The following FOXJ2 variants were observed in gnomAD, a reference collection of about 807,000 sequenced individuals.
The protein encoded by FOXJ2 is forkhead box protein J2.
A neutral mutation model predicts 68.4 loss-of-function variants in FOXJ2; 18 were observed. The observed-to-expected ratio is 0.26, with a 90% CI of 0.18 to 0.39. FOXJ2 has a LOEUF of 0.39. FOXJ2 is among the 10% of genes least tolerant of loss of function. The pLI is 1.00. For synonymous variants in FOXJ2, 274 were observed against 263.2 expected, an observed-to-expected ratio of 1.04 and a Z score of -0.40; for missense variants, 670 against 726.5, an observed-to-expected ratio of 0.92 and a Z score of 0.89.
At chr12:8,052,696 C>T (rs764094035) in intron 10 of FOXJ2, 66 bp from the exon 11 acceptor site, 4 of 1,361,496 alleles carry the variant, frequency 2.9e-6, no homozygotes, top group Non-Finnish European at 4.1e-6. Context: ...TGAGCACTGT[C>T]CTTGTAAATT....
chr12:8,051,057 C>T (rs1412740728), intron 10 of FOXJ2, among the ~76,000 whole-genome samples: 1 of 135,394 alleles, frequency 7.4e-6, no homozygotes, highest in Non-Finnish European at 1.6e-5. Flanking sequence ...CTTCCCTTGC[C>T]CTTCCTTTCC....
chr12:8,045,980 A>G (rs561457001), intron 6 of FOXJ2, among the ~76,000 whole-genome samples: 27 of 152,340 alleles, frequency 1.8e-4, no homozygotes, highest in Non-Finnish European at 3.8e-4. Context: ...TTTTTAACAC[A>G]AAGAGAGGTA....
Position 8,049,526 on chromosome 12 carries a change from T to C in FOXJ2, c.1492T>C (p.Ser498Pro), listed in dbSNP as rs1351483467. Residue 498 changes from serine (S) to proline (P), a missense_variant, in exon 9 of 11, where the codon TCC becomes CCC. Coordinates refer to ENST00000162391, the MANE Select transcript of FOXJ2 (RefSeq NM_018416.3). Reference protein sequence around the residue: ...RPPAPARIADSCALTSGKQES... With the variant: ...RPPAPARIADPCALTSGKQES... ...ACCAGCCCCTGCCCGTATTGCTGAC[T>C]CCTGTGCCCTCACCAGTGGCAAACA... 6.2e-7 allele frequency: 1 copy of C among 1,612,900 alleles called. No homozygotes were observed. Among genetic ancestry groups the C allele is most frequent in the Non-Finnish European group, 8.5e-7 (1 of 1,179,228 alleles).
At chr12:8,044,515 C>T (rs1947007956) in intron 5 of FOXJ2, among the ~76,000 whole-genome samples, 1 of 151,718 alleles carries the variant, frequency 6.6e-6, no homozygotes, top group Non-Finnish European at 1.5e-5. Context: ...GGAGCCTGGG[C>T]GACAGAGCGA....
At position 8,049,677 on chromosome 12, in the gene FOXJ2, C is replaced by T. The variant is rs58488410; in HGVS notation, c.1537+106C>T. The T allele has an allele frequency of 0.011, 11,084 of 1,014,966 alleles. 822 individuals are homozygous for T. In the African/African-American group the frequency reaches 0.16, roughly 15 times the overall value. 62.9% of individuals were successfully genotyped at this position (1,014,966 alleles called of 1,614,324 possible). ...AGAAAGGATTTTATGGGGCAGTGAC[C>T]CAAATTGAGCAGTGGAACTAGTTTA... On this transcript the variant is annotated intron_variant, in intron 9 of 10. Coordinates refer to ENST00000162391, the MANE Select transcript of FOXJ2 (RefSeq NM_018416.3).
Position 8,054,318 on chromosome 12 carries a change from A to G in FOXJ2, c.*1468A>G, listed in dbSNP as rs1055923346. On this transcript the variant is annotated 3_prime_UTR_variant, in exon 11 of 11. Transcript: ENST00000162391. ...TATTTAATGTTGATTGTTGAATTTT[A>G]GTTACGAGAGGGAAGAACAATTTTA... 2 of 152,238 alleles carry G rather than the reference A, an allele frequency of 1.3e-5. No individual in the cohort carries two copies. The highest frequency in any genetic ancestry group is 2.4e-5 in the African/African-American group (1 of 41,466). The allele number at this position is 152,238 out of a possible 1,614,324, so 9.4% of individuals were successfully genotyped here.
Position 8,042,731 on chromosome 12 carries a change from A to C in FOXJ2, c.407A>C (p.Lys136Thr). The change falls in exon 3 of 11, where the codon AAG (lysine) becomes ACG (threonine). Residue 136 changes from lysine (K) to threonine (T), a missense_variant and splice_region_variant. Transcript: ENST00000162391. Reference protein sequence around the residue: ...KVPRPRDDPGKGSYWTIDTCP... With the variant: ...KVPRPRDDPGTGSYWTIDTCP... ...CCCAGACCTCGGGATGACCCTGGGAAGGTAAGATACTACTGTAAGCATTGA... is the reference window on the plus strand; with the variant it reads ...CCCAGACCTCGGGATGACCCTGGGACGGTAAGATACTACTGTAAGCATTGA... 6.2e-7 allele frequency: 1 copy of C among 1,612,756 alleles called. No individual in the cohort carries two copies. The highest frequency in any genetic ancestry group is 8.5e-7 in the Non-Finnish European group (1 of 1,178,754).
Position 8,048,178 on chromosome 12 carries a change from C to T in FOXJ2, c.1114C>T (p.His372Tyr). ...GGCCATGCATCCACCCCCGCTGCAG[C>T]ATGGAGGCTACCACCCTCATCAGCA... ...VMAMHPPPLQHGGYHPHQHHP... is the reference protein window; with the variant it reads ...VMAMHPPPLQYGGYHPHQHHP... The change falls in exon 7 of 11, where the codon CAT (histidine) becomes TAT (tyrosine). Residue 372 changes from histidine to tyrosine, a missense_variant. Physicochemically the swap from His to Tyr is moderately conservative, Grantham distance 83. This residue lies in a region of FOXJ2 where 555 missense variants were observed against 562.2 expected (regional missense o/e 0.99). Transcript: ENST00000162391. 1 of 1,613,960 alleles carries T rather than the reference C, an allele frequency of 6.2e-7. No individual in the cohort carries two copies. Among genetic ancestry groups the T allele is most frequent in the South Asian group, 1.1e-5 (1 of 91,004 alleles).
At chr12:8,039,375 T>A (rs1946936747) in intron 1 of FOXJ2, among the ~76,000 whole-genome samples, 1 of 152,222 alleles carries the variant, frequency 6.6e-6, no homozygotes. Flanking sequence ...GCTTTATATG[T>A]ACGTTCGTGC....
intron 10 of FOXJ2, among the ~76,000 whole-genome samples, chr12:8,052,451 C>T (rs920190774): frequency 1.2e-4 from 19 of 152,192 alleles, no homozygotes; most frequent in African/African-American, 3.4e-4. Flanking sequence ...AATTCCTGAC[C>T]TCGTGATCCG....
intron 4 of FOXJ2, 76 bp from the exon 5 acceptor site, chr12:8,043,875 A>G (rs926979936): frequency 1.3e-5 from 20 of 1,591,150 alleles, no homozygotes; most frequent in Non-Finnish European, 1.7e-5. Flanking sequence ...AAGGAATACC[A>G]GCAGAGGGGA....
chr12:8,041,127 A>G (rs781012017), intron 2 of FOXJ2, among the ~76,000 whole-genome samples: 1 of 152,292 alleles, frequency 6.6e-6, no homozygotes, highest in African/African-American at 2.4e-5. Flanking sequence ...CTCTCACTCT[A>G]TAAATCCCCA....
At chr12:8,037,264 G>A (rs1421213236) in intron 1 of FOXJ2, among the ~76,000 whole-genome samples, 1 of 152,134 alleles carries the variant, frequency 6.6e-6, no homozygotes, top group Non-Finnish European at 1.5e-5. Flanking sequence ...GAAGTGGGAT[G>A]GGTCAAAGGA....
chr12:8,050,680 T>G, intron 10 of FOXJ2, 60 bp downstream of exon 10: 2 of 1,572,856 alleles, frequency 1.3e-6, no homozygotes, highest in South Asian at 2.2e-5. Context: ...TTTGCTTTCC[T>G]TTGACTCTGA....
intron 2 of FOXJ2, 115 bp from the exon 3 acceptor site, chr12:8,042,543 C>A: frequency 2.4e-6 from 2 of 817,238 alleles, no homozygotes; most frequent in Admixed American, 2.0e-5. Flanking sequence ...TGAGCTTACC[C>A]TGATACTTCA....
intron 2 of FOXJ2, among the ~76,000 whole-genome samples, chr12:8,042,156 G>A (rs748690624): frequency 1.3e-4 from 20 of 152,300 alleles, no homozygotes; most frequent in African/African-American, 4.8e-4. Context: ...GGAATTATAG[G>A]CGTGAGCCAC....
At chr12:8,045,343 C>T (rs770933334) in intron 6 of FOXJ2, among the ~76,000 whole-genome samples, 1 of 151,994 alleles carries the variant, frequency 6.6e-6, no homozygotes, top group Non-Finnish European at 1.5e-5. Flanking sequence ...CTCAGCCTCC[C>T]GAGTAGCTCA....
intron 9 of FOXJ2, chr12:8,049,883 G>C: frequency 2.5e-6 from 1 of 407,966 alleles, no homozygotes; most frequent in Non-Finnish European, 4.3e-6. Flanking sequence ...CCTACCGCCT[G>C]GGTGATACCG....
rs1173469506 is a variant in FOXJ2 at position 8,038,743 on chromosome 12, A to G, written c.-14-1076A>G. Among the ~76,000 whole-genome samples, 2 of 152,216 alleles carry G rather than the reference A, an allele frequency of 1.3e-5. No individual in the cohort carries two copies. Among genetic ancestry groups the G allele is most frequent in the African/African-American group, 2.4e-5 (1 of 41,444 alleles). On this transcript the variant is annotated intron_variant, in intron 1 of 10. Coordinates refer to ENST00000162391, the MANE Select transcript of FOXJ2 (RefSeq NM_018416.3). The surrounding 1 kb of genome is among the most constrained non-coding windows in gnomAD (Gnocchi z 5.3). ...CTAGCTATACCTCTCTGCTGGCAAG[A>G]GTGCCCAGGCAGTGTGGGTGGCAGC...
Sources: gnomAD v4.1 joint callset for allele counts (sites outside exome capture counted in the v4.1 genomes callset) on GRCh38, gnomAD v4.1.1 for gene constraint, gnomAD v4.1.1 regional missense constraint, Gnocchi (gnomAD v3.1) non-coding constraint, MANE v1.5 for transcripts, NCBI Gene and HGNC (gene_info 2026-07-23, HGNC 2026-07-21) for gene names.